PCDHGB5: variants seen among roughly 807,000 people sequenced by gnomAD.
The protein encoded by PCDHGB5 is protocadherin gamma-B5.
PCDHGB5 carries 48 observed loss-of-function variants against 62.9 expected under a neutral mutation model. That is an observed-to-expected ratio of 0.76 (90% CI 0.61 to 0.97). The LOEUF is 0.97. Ranked by LOEUF, PCDHGB5 falls within the 50% of genes least tolerant of loss-of-function variation. The pLI is 0.00. For missense variants in PCDHGB5, 1,118 were observed against 1,198.6 expected (o/e 0.93, Z 0.99); for synonymous variants, 474 against 511.2 (o/e 0.93, Z 0.98).
chr5:141,426,756 G>A, intron 1 of PCDHGB5: 1 of 456,302 alleles, frequency 2.2e-6, no homozygotes. Context: ...ATCTGCTATA[G>A]ATGCAGATGT....
chr5:141,502,535 G>A (rs910160644), intron 2 of PCDHGB5, among the ~76,000 whole-genome samples: 14 of 152,172 alleles, frequency 9.2e-5, no homozygotes, highest in South Asian at 2.1e-4. Flanking sequence ...GAGTTTGTTC[G>A]TGTGGTAAAA....
rs76381401 is a variant in PCDHGB5, at chr5:141,399,054, G to A, written c.927G>A (p.Lys309=). 4.7e-4 allele frequency: 759 copies of A among 1,613,694 alleles called. 3 individuals are homozygous for A. The African/African-American group carries it at 8.4e-3, about 18-fold the overall frequency. ...TQKKLDFEET[K]EYSMVVEGRD... ...AGAAACTGGATTTTGAAGAGACCAAGGAATATTCAATGGTTGTAGAAGGGA... is the reference window on the plus strand; with the variant it reads ...AGAAACTGGATTTTGAAGAGACCAAAGAATATTCAATGGTTGTAGAAGGGA... The change falls in exon 1 of 4, where the codon AAG becomes AAA. Residue 309 remains lysine, a synonymous_variant. Coordinates refer to ENST00000617380, the MANE Select transcript of PCDHGB5 (RefSeq NM_018925.3).
chr5:141,490,149 T>C lies in PCDHGB5; in HGVS notation c.2398-4658T>C. The C allele has an allele frequency of 1.9e-6, 3 of 1,614,188 alleles. No individual in the cohort carries two copies. The highest frequency in any genetic ancestry group is 2.7e-5 in the African/African-American group (2 of 75,050). On this transcript the variant is annotated intron_variant, in intron 1 of 3. Coordinates refer to ENST00000617380, the MANE Select transcript of PCDHGB5 (RefSeq NM_018925.3). This position sits in a 1 kb window ranked among gnomAD's most constrained non-coding sequence, Gnocchi z 5.4. ...TAGACCCTAGCAGTGGGGCAATCCA[T>C]GTGTTGGGTCCCATAGACTTTGAGG... is the stretch of plus-strand genomic sequence containing the variant.
intron 1 of PCDHGB5, chr5:141,423,628 AT>A (rs2096762361): frequency 6.2e-7 from 1 of 1,604,844 alleles, no homozygotes; most frequent in Admixed American, 1.7e-5. Flanking sequence ...CTCAGCTATC[AT>A]TTTAGGCAAA....
At chr5:141,428,064 G>C in intron 1 of PCDHGB5, 1 of 1,609,060 alleles carries the variant, frequency 6.2e-7, no homozygotes, top group East Asian at 2.2e-5. Flanking sequence ...GGCGGTGGAC[G>C]CAGATTCGGG....
intron 1 of PCDHGB5, among the ~76,000 whole-genome samples, chr5:141,407,687 G>A (rs866314437): frequency 1.3e-5 from 2 of 152,126 alleles, no homozygotes; most frequent in African/African-American, 2.4e-5. Context: ...TGGCTTTGTG[G>A]TGATCATTGT....
In PCDHGB5 at chr5:141,490,211, ACCAGGGACAG is replaced by A. The variant is rs1259297201; in HGVS notation, c.2398-4593_2398-4584del. 1 of 1,614,212 alleles carries A rather than the reference ACCAGGGACAG, an allele frequency of 6.2e-7. No individual in the cohort carries two copies. ...TATGAAATTCATGCAAGAGCCCGTG[ACCAGGGACAG>A]CCTGCCATGGAGGGCCACTGTGTGA... is the stretch of plus-strand genomic sequence containing the variant. On this transcript the variant is annotated intron_variant, in intron 1 of 3. Transcript: ENST00000617380. The surrounding 1 kb of genome is among the most constrained non-coding windows in gnomAD (Gnocchi z 5.4).
chr5:141,500,498 C>T (rs1487770160), intron 2 of PCDHGB5, among the ~76,000 whole-genome samples: 5 of 152,120 alleles, frequency 3.3e-5, no homozygotes, highest in African/African-American at 7.2e-5. Context: ...CGTGAGCCAC[C>T]GCGCCTGGCC....
intron 1 of PCDHGB5, chr5:141,441,111 G>A (rs1457975305): frequency 1.3e-5 from 2 of 152,194 alleles, no homozygotes; most frequent in Non-Finnish European, 1.5e-5. Flanking sequence ...TCATTGTCCA[G>A]TGTACAGTTG....
chr5:141,408,358 G>C, intron 1 of PCDHGB5: 1 of 1,613,952 alleles, frequency 6.2e-7, no homozygotes, highest in South Asian at 1.1e-5. Context: ...ACCTCGCTAA[G>C]GATCTAGGGC....
intron 1 of PCDHGB5, among the ~76,000 whole-genome samples, chr5:141,461,886 C>T (rs944110458): frequency 3.3e-5 from 5 of 151,972 alleles, no homozygotes; most frequent in South Asian, 2.1e-4. Context: ...TGCAATGGCA[C>T]GATCTCGGCT....
At chr5:141,416,200 T>G (rs1318033556) in intron 1 of PCDHGB5, 2 of 152,444 alleles carry the variant, frequency 1.3e-5, no homozygotes, top group African/African-American at 4.8e-5. Context: ...ATTAACAATT[T>G]ATTTATAACA....
chr5:141,404,585 A>G (rs541341061), intron 1 of PCDHGB5: 2 of 1,614,006 alleles, frequency 1.2e-6, no homozygotes, highest in East Asian at 2.2e-5. Context: ...ACTTAGCAGC[A>G]ATGTGTCATT....
At chr5:141,409,614 T>C in intron 1 of PCDHGB5, 1 of 1,613,880 alleles carries the variant, frequency 6.2e-7, no homozygotes, top group Non-Finnish European at 8.5e-7. Flanking sequence ...GGAGCCTCCA[T>C]TGCGCAAGTG....
At chr5:141,506,566 T>C (rs909998933) in intron 3 of PCDHGB5, among the ~76,000 whole-genome samples, 33 of 152,022 alleles carry the variant, frequency 2.2e-4, no homozygotes, top group Non-Finnish European at 2.9e-5. Flanking sequence ...ACCCCCTCGG[T>C]TTCACTTACT....
chr5:141,438,754 T>C (rs1213047429), intron 1 of PCDHGB5, among the ~76,000 whole-genome samples: 3 of 148,368 alleles, frequency 2.0e-5, no homozygotes, highest in African/African-American at 5.0e-5. Context: ...CTCTGCCTCC[T>C]GGGTTCAAGC....
intron 1 of PCDHGB5, chr5:141,415,347 C>T (rs1369709460): frequency 1.9e-6 from 3 of 1,614,120 alleles, no homozygotes; most frequent in Non-Finnish European, 2.5e-6. Context: ...GGCGCTGGCA[C>T]AAGTCACGCC....
intron 1 of PCDHGB5, chr5:141,433,358 CCTATCTATCTATCTAT>C (rs3074541): frequency 2.0e-4 from 99 of 504,042 alleles, no homozygotes; most frequent in East Asian, 3.1e-4. Flanking sequence ...CTACTGTCTG[CCTATCTATCTATCTAT>C]CTATCTATCT....
At position 141,399,798 on chromosome 5, in the gene PCDHGB5, G is replaced by T. The variant is rs2093890900; in HGVS notation, c.1671G>T (p.Arg557=). The change falls in exon 1 of 4, where the codon CGG becomes CGT. Residue 557 remains arginine, a synonymous_variant. Transcript: ENST00000617380. ...GCGACCGAAACGACAACGCACCGCGGGTGCTGTACCCCGCGCTGGGTCCCG... is the reference window on the plus strand; with the variant it reads ...GCGACCGAAACGACAACGCACCGCGTGTGCTGTACCCCGCGCTGGGTCCCG... ...LVGDRNDNAP[R]VLYPALGPDG... 2 of 1,613,118 alleles carry T rather than the reference G, an allele frequency of 1.2e-6. No homozygotes were observed. Among genetic ancestry groups the T allele is most frequent in the Non-Finnish European group, 1.7e-6 (2 of 1,179,764 alleles).
Sources: allele counts gnomAD v4.1 joint callset (sites outside exome capture counted in the v4.1 genomes callset), GRCh38; gene constraint gnomAD v4.1.1; non-coding constraint Gnocchi (gnomAD v3.1); transcripts MANE v1.5; gene names NCBI Gene and HGNC (gene_info 2026-07-23, HGNC 2026-07-21).